Variants in ZNF565 observed in about 807,000 individuals in gnomAD.
ZNF565 encodes the protein zinc finger protein 565.
A neutral mutation model predicts 39.4 loss-of-function variants in ZNF565; 27 were observed. The ratio of observed to expected loss-of-function variants is 0.69; its 90% CI spans 0.51 to 0.95. ZNF565 has a LOEUF of 0.95. ZNF565 is among the 40% of genes least tolerant of loss of function. ZNF565 has a pLI of 0.00. For missense variants in ZNF565, 524 were observed against 621.1 expected (o/e 0.84, Z 1.66); for synonymous variants, 185 against 216.6 (o/e 0.85, Z 1.28).
intron 1 of ZNF565, among the ~76,000 whole-genome samples, chr19:36,211,001 C>CA (rs58262673): frequency 0.05 from 6,082 of 122,370 alleles, 398 homozygotes; most frequent in African/African-American, 0.16. Flanking sequence ...ATAATTTGAG[C>CA]AAAAAAAAAA....
At chr19:36,201,473 CATTTATTT>C (rs148396637) in intron 2 of ZNF565, among the ~76,000 whole-genome samples, 1 of 151,510 alleles carries the variant, frequency 6.6e-6, no homozygotes, top group Non-Finnish European at 1.5e-5. Context: ...CTGCTAAGAG[CATTTATTT>C]ATTTATTTAT....
intron 1 of ZNF565, among the ~76,000 whole-genome samples, chr19:36,220,100 A>G (rs990508579): frequency 2.0e-5 from 3 of 152,092 alleles, no homozygotes; most frequent in East Asian, 1.9e-4. Flanking sequence ...GCAGGCTTGT[A>G]TCTTCCTCCC....
chr19:36,235,242 A>G (rs79066581), intron 1 of ZNF565, among the ~76,000 whole-genome samples: 1,692 of 151,348 alleles, frequency 0.011, 32 homozygotes, highest in African/African-American at 0.039. Flanking sequence ...GATGAACATT[A>G]TTTTTCTTCC....
chr19:36,234,261 ATG>A (rs1372045170), intron 1 of ZNF565, among the ~76,000 whole-genome samples: 1 of 152,164 alleles, frequency 6.6e-6, no homozygotes, highest in African/African-American at 2.4e-5. Context: ...ACAGAACAAA[ATG>A]GAGTCTCTTA....
At position 36,196,209 on chromosome 19, in the gene ZNF565, C is replaced by T. The variant is rs142653334; in HGVS notation, c.10-1053G>A. Among the ~76,000 whole-genome samples, 827 of 152,256 alleles carry T rather than the reference C, an allele frequency of 5.4e-3. 10 individuals carry two copies. The highest frequency in any genetic ancestry group is 0.019 in the African/African-American group (793 of 41,560). ...CCTCCCAAAGTGTTGGGATGACAGG[C>T]GTGAGTCACTGCACCCAGCCTAATT... On this transcript the variant is annotated intron_variant, in intron 2 of 4. Transcript: ENST00000304116.
At chr19:36,204,751 A>G (rs1208554632) in intron 1 of ZNF565, among the ~76,000 whole-genome samples, 1 of 152,132 alleles carries the variant, frequency 6.6e-6, no homozygotes, top group Non-Finnish European at 1.5e-5. Context: ...CCACTTTGGG[A>G]GGCCGAGGTG....
intron 1 of ZNF565, among the ~76,000 whole-genome samples, chr19:36,209,136 C>A (rs1041867521): frequency 7.9e-5 from 12 of 152,072 alleles, no homozygotes; most frequent in African/African-American, 2.9e-4. Context: ...CTGTAATTTA[C>A]CCTAAAATGG....
intron 1 of ZNF565, among the ~76,000 whole-genome samples, chr19:36,207,917 G>A (rs973661996): frequency 6.6e-6 from 1 of 152,176 alleles, no homozygotes; most frequent in Non-Finnish European, 1.5e-5. Flanking sequence ...CACTGGACAT[G>A]TACATGAGCA....
chr19:36,226,417 T>C (rs1275319916), intron 1 of ZNF565, among the ~76,000 whole-genome samples: 3 of 152,224 alleles, frequency 2.0e-5, no homozygotes, highest in Non-Finnish European at 4.4e-5. Flanking sequence ...TATGTGAAAC[T>C]TAAATTTTTT....
At chr19:36,191,212 CTAG>C (rs1975527571) in intron 4 of ZNF565, among the ~76,000 whole-genome samples, 4 of 150,246 alleles carry the variant, frequency 2.7e-5, no homozygotes, top group Admixed American at 2.0e-4. Context: ...GACCCCTGGT[CTAG>C]GGCACAGGGA....
intron 2 of ZNF565, among the ~76,000 whole-genome samples, chr19:36,195,366 A>G (rs1406247618): frequency 6.6e-6 from 1 of 152,046 alleles, no homozygotes; most frequent in Non-Finnish European, 1.5e-5. Context: ...CAAATCCCAC[A>G]TGCCAAACAT....
At chr19:36,191,674 G>C (rs1024617359) in intron 4 of ZNF565, among the ~76,000 whole-genome samples, 1 of 152,110 alleles carries the variant, frequency 6.6e-6, no homozygotes, top group Non-Finnish European at 1.5e-5. Context: ...AAATACCCAC[G>C]AACTCATCGT....
intron 1 of ZNF565, among the ~76,000 whole-genome samples, chr19:36,219,870 T>G (rs1258432442): frequency 6.6e-6 from 1 of 152,216 alleles, no homozygotes; most frequent in African/African-American, 2.4e-5. Context: ...TAGTCTTAAT[T>G]TCTCTTGTCT....
intron 4 of ZNF565, among the ~76,000 whole-genome samples, chr19:36,185,131 A>G (rs978843523): frequency 3.3e-5 from 5 of 150,434 alleles, no homozygotes; most frequent in African/African-American, 4.9e-5. Context: ...AAAAAAAAAA[A>G]GGGCTGGGTG....
At chr19:36,217,466 A>T (rs1976659928), upstream of ZNF565, among the ~76,000 whole-genome samples, 1 of 152,182 alleles carries the variant, frequency 6.6e-6, no homozygotes, top group Non-Finnish European at 1.5e-5. Flanking sequence ...ACAACAAAAT[A>T]ATACATAGCT....
In ZNF565 at chr19:36,182,541, G is replaced by GT; in HGVS notation, c.1424dup (p.Tyr475Ter). Residue 475 changes from tyrosine to a stop codon, truncating the protein, a stop_gained and frameshift_variant, in exon 5 of 5, where the codon TAC becomes TAAC. Coordinates refer to ENST00000304116, the MANE Select transcript of ZNF565 (RefSeq NM_152477.5). LOFTEE classifies it high-confidence loss of function. The part of the protein sequence containing the change: ...HQRIHPGIKP[Y>*]ECRECGQAFI... ...ATGCCTGCCCACACTCTCTACATTC[G>GT]TAAGGTTTGATACCAGGATGAATTC... is the stretch of plus-strand genomic sequence containing the variant. 6.2e-7 allele frequency: 1 copy of GT among 1,612,270 alleles called. No homozygotes were observed. The highest frequency in any genetic ancestry group is 8.5e-7 in the Non-Finnish European group (1 of 1,179,026).
At chr19:36,221,488 C>T (rs1976836035) in intron 1 of ZNF565, among the ~76,000 whole-genome samples, 1 of 151,940 alleles carries the variant, frequency 6.6e-6, no homozygotes, top group East Asian at 1.9e-4. Flanking sequence ...CGAGGTTTCA[C>T]CATGTTAGCC....
chr19:36,209,693 GTAA>G (rs1456358072), intron 1 of ZNF565, among the ~76,000 whole-genome samples: 2 of 151,956 alleles, frequency 1.3e-5, no homozygotes, highest in Admixed American at 1.3e-4. Flanking sequence ...AATACAAACA[GTAA>G]TAAATGAACA....
intron 1 of ZNF565, among the ~76,000 whole-genome samples, chr19:36,242,294 C>T (rs1209881192): frequency 6.6e-6 from 1 of 151,990 alleles, no homozygotes; most frequent in Non-Finnish European, 1.5e-5. Context: ...CCTGTAGTCT[C>T]AGCTACTTGG....
Sources: allele counts gnomAD v4.1 joint callset (sites outside exome capture counted in the v4.1 genomes callset), GRCh38; gene constraint gnomAD v4.1.1; transcripts MANE v1.5; gene names NCBI Gene and HGNC (gene_info 2026-07-23, HGNC 2026-07-21).